The following EYA2 variants were observed in gnomAD, a reference collection of about 807,000 sequenced individuals.
EYA2 encodes protein phosphatase EYA2.
In EYA2, 31 loss-of-function variants were observed where a neutral mutation model predicts 69.2. The ratio of observed to expected loss-of-function variants is 0.45; its 90% CI spans 0.34 to 0.60. The LOEUF (loss-of-function observed/expected upper bound fraction) is 0.60, where lower values mean the gene tolerates loss of function less well. EYA2 is among the 20% of genes least tolerant of loss of function. EYA2 has a pLI of 0.02. For synonymous variants in EYA2, 257 were observed against 279.4 expected (o/e 0.92, Z 0.80); for missense variants, 622 against 701.2 (o/e 0.89, Z 1.28).
intron 10 of EYA2, 36 bp from the exon 11 acceptor site, chr20:47,169,103 C>G: frequency 2.3e-6 from 1 of 428,288 alleles, no homozygotes; most frequent in Non-Finnish European, 3.3e-6. Flanking sequence ...CAGGCATGTT[C>G]TCTCTCTCTC....
Position 46,939,026 on chromosome 20 carries a change from A to T in EYA2, c.-11+44039A>T, listed in dbSNP as rs535917308. On this transcript the variant is annotated intron_variant, in intron 1 of 15. Coordinates refer to ENST00000327619, the MANE Select transcript of EYA2 (RefSeq NM_005244.5). ...TCTAGATCCATTCCACTTTCTTGAC[A>T]TAAGAACAGGTTGATTGCCCTTTTG... Among the ~76,000 whole-genome samples, 66 of 152,250 alleles carry T rather than the reference A, an allele frequency of 4.3e-4. 1 individual carries two copies. In the South Asian group the frequency reaches 8.1e-3, roughly 19 times the overall value.
At chr20:47,002,462 T>C (rs1982440246) in intron 3 of EYA2, among the ~76,000 whole-genome samples, 1 of 152,154 alleles carries the variant, frequency 6.6e-6, no homozygotes, top group Admixed American at 6.5e-5. Flanking sequence ...CAGTGTTTGG[T>C]TTTCTGTTCC....
chr20:47,076,051 G>A (rs914429140), intron 7 of EYA2, among the ~76,000 whole-genome samples: 6 of 152,300 alleles, frequency 3.9e-5, no homozygotes, highest in Middle Eastern at 3.4e-3. Flanking sequence ...TTATGGCTGC[G>A]TAGTATTCCA....
Position 47,188,462 on chromosome 20 carries a change from T to G in EYA2, c.*329T>G. The G allele has an allele frequency of 3.7e-6, 2 of 543,382 alleles. No homozygotes were observed. The highest frequency in any genetic ancestry group is 3.1e-5 in the Admixed American group (1 of 32,256). The allele number at this position is 543,382 out of a possible 1,614,324, so 33.7% of individuals were successfully genotyped here. On this transcript the variant is annotated 3_prime_UTR_variant, in exon 16 of 16. Transcript: ENST00000327619. Reference sequence around the variant, plus strand: ...GTGATGAGGAGGGGATGGGTTTGTCTTGTCTTCTTTTTAATTTATGGACTA... The same window carrying G: ...GTGATGAGGAGGGGATGGGTTTGTCGTGTCTTCTTTTTAATTTATGGACTA...
At chr20:46,906,723 G>A (rs907927690) in intron 1 of EYA2, among the ~76,000 whole-genome samples, 4 of 152,248 alleles carry the variant, frequency 2.6e-5, no homozygotes, top group Non-Finnish European at 5.9e-5. Flanking sequence ...AGGTCACCCA[G>A]CAAGTGCAGG....
At chr20:46,907,129 G>C (rs1984398232) in intron 1 of EYA2, among the ~76,000 whole-genome samples, 1 of 152,162 alleles carries the variant, frequency 6.6e-6, no homozygotes, top group Non-Finnish European at 1.5e-5. Flanking sequence ...GACACACACA[G>C]TGATTGTTAA....
At chr20:47,163,945 C>T (rs950513240) in intron 10 of EYA2, among the ~76,000 whole-genome samples, 4 of 152,124 alleles carry the variant, frequency 2.6e-5, no homozygotes, top group African/African-American at 4.8e-5. Context: ...AGCCCCACTG[C>T]ACTTCACCTG....
chr20:47,113,642 C>T (rs954671995), intron 9 of EYA2, among the ~76,000 whole-genome samples: 2 of 152,214 alleles, frequency 1.3e-5, no homozygotes, highest in African/African-American at 2.4e-5. Context: ...AGCTTAGAAA[C>T]GAACCTCAGA....
intron 10 of EYA2, among the ~76,000 whole-genome samples, chr20:47,156,160 AT>A (rs2033943117): frequency 2.4e-5 from 1 of 42,524 alleles, no homozygotes; most frequent in Admixed American, 2.4e-4. Context: ...ATATATATAT[AT>A]ATATATATAT....
chr20:46,970,800 T>C (rs574741337), intron 1 of EYA2, among the ~76,000 whole-genome samples: 1 of 152,276 alleles, frequency 6.6e-6, no homozygotes, highest in Non-Finnish European at 1.5e-5. Context: ...ACCATTATGT[T>C]TTTGGTGATA....
chr20:47,072,220 G>C lies in EYA2; in HGVS notation c.451G>C (p.Gly151Arg). Residue 151 changes from glycine to arginine, a missense_variant, in exon 6 of 16, where the codon GGC becomes CGC. Gly to Arg is a moderately radical substitution (Grantham distance 125). Around this residue, in one of 2 missense-constraint regions of EYA2, gnomAD observed 365 missense variants for 349.7 expected, o/e 1.04. Transcript: ENST00000327619. ...TGFYQGGNGL[G>R]NAAGFGSVHQ... ...GTTCTATCAAGGAGGAAATGGACTGGGCAACGCAGCCGGTTTCGGGAGTGT... is the reference window on the plus strand; with the variant it reads ...GTTCTATCAAGGAGGAAATGGACTGCGCAACGCAGCCGGTTTCGGGAGTGT... 1 of 1,613,132 alleles carries C rather than the reference G, an allele frequency of 6.2e-7. No homozygotes were observed. Among genetic ancestry groups the C allele is most frequent in the Non-Finnish European group, 8.5e-7 (1 of 1,179,590 alleles).
intron 10 of EYA2, among the ~76,000 whole-genome samples, chr20:47,168,531 A>G (rs763528776): frequency 3.9e-5 from 6 of 152,106 alleles, no homozygotes; most frequent in Admixed American, 6.6e-5. Context: ...TGTTTCCCCA[A>G]GGAAACTGAG....
At chr20:46,924,890 CA>C (rs1985346957) in intron 1 of EYA2, among the ~76,000 whole-genome samples, 1 of 152,156 alleles carries the variant, frequency 6.6e-6, no homozygotes, top group South Asian at 2.1e-4. Context: ...AAAAGTACAG[CA>C]AACTTGGTGA....
At chr20:47,070,720 G>A (rs977296150) in intron 5 of EYA2, among the ~76,000 whole-genome samples, 2 of 152,240 alleles carry the variant, frequency 1.3e-5, no homozygotes, top group Admixed American at 6.5e-5. Flanking sequence ...GATGAATGAT[G>A]GTGATGAGTA....
In EYA2 at chr20:47,052,362, A is replaced by G. The variant is rs150549866; in HGVS notation, c.416-19823A>G. ...GAGGAGGAGGAGAAGCCAGCATGGG[A>G]GGGGCTGGGGCCCCCACCTGTGGTC... On this transcript the variant is annotated intron_variant, in intron 5 of 15. Transcript: ENST00000327619. Among the ~76,000 whole-genome samples, 933 of 152,224 alleles carry G rather than the reference A, an allele frequency of 6.1e-3. 7 individuals are homozygous for G. The highest frequency in any genetic ancestry group is 0.014 in the Middle Eastern group (4 of 294).
chr20:47,036,155 A>T (rs2146406239), intron 5 of EYA2, among the ~76,000 whole-genome samples: 1 of 152,320 alleles, frequency 6.6e-6, no homozygotes, highest in South Asian at 2.1e-4. Flanking sequence ...GAGAAAACTG[A>T]GACTCCAAGG....
At chr20:47,113,237 G>T (rs2032800797) in intron 9 of EYA2, among the ~76,000 whole-genome samples, 1 of 152,176 alleles carries the variant, frequency 6.6e-6, no homozygotes, top group Non-Finnish European at 1.5e-5. Flanking sequence ...AATTGATTGG[G>T]AGGGTATGAG....
intron 5 of EYA2, among the ~76,000 whole-genome samples, chr20:47,060,480 A>G (rs1600678389): frequency 6.6e-6 from 1 of 152,220 alleles, no homozygotes; most frequent in African/African-American, 2.4e-5. Context: ...AATATGGGCC[A>G]TTCTGAAGAA....
intron 9 of EYA2, among the ~76,000 whole-genome samples, chr20:47,123,339 T>C (rs2033100446): frequency 6.6e-6 from 1 of 152,196 alleles, no homozygotes; most frequent in Admixed American, 6.5e-5. Flanking sequence ...TTTGAAACTA[T>C]ATATTATTAT....
Sources: gnomAD v4.1 joint callset for allele counts (sites outside exome capture counted in the v4.1 genomes callset) on GRCh38, gnomAD v4.1.1 for gene constraint, gnomAD v4.1.1 regional missense constraint, MANE v1.5 for transcripts, NCBI Gene and HGNC (gene_info 2026-07-23, HGNC 2026-07-21) for gene names.